Variants in SETBP1 observed in about 807,000 individuals in gnomAD.
SETBP1 encodes SET-binding protein.
Under a neutral mutation model 101.0 loss-of-function variants are expected in SETBP1, and 9 were observed. The observed-to-expected ratio is 0.09, with a 90% CI of 0.05 to 0.16. SETBP1 has a LOEUF of 0.16. SETBP1 is among the 10% of genes least tolerant of loss of function. SETBP1 has a pLI of 1.00. For synonymous variants in SETBP1, 818 were observed against 788.5 expected (o/e 1.04, Z -0.63); for missense variants, 1,858 against 2,033.8 (o/e 0.91, Z 1.66).
At chr18:45,003,599 T>C (rs1321966966) in intron 4 of SETBP1, among the ~76,000 whole-genome samples, 1 of 150,732 alleles carries the variant, frequency 6.6e-6, no homozygotes, top group Non-Finnish European at 1.5e-5. Flanking sequence ...TGCCCATATC[T>C]CCATAGCCAA....
intron 2 of SETBP1, among the ~76,000 whole-genome samples, chr18:44,799,546 G>A (rs737149): frequency 0.068 from 10,416 of 152,188 alleles, 413 homozygotes; most frequent in East Asian, 0.14. Flanking sequence ...TGTGAGCTGG[G>A]TGTAGGGAAA....
At chr18:44,860,506 G>C (rs764771861) in intron 2 of SETBP1, among the ~76,000 whole-genome samples, 3 of 152,136 alleles carry the variant, frequency 2.0e-5, no homozygotes, top group Non-Finnish European at 2.9e-5. Context: ...CAGCACTATG[G>C]GAGGTCAAGG....
At chr18:44,935,960 G>A (rs1470934251) in intron 3 of SETBP1, among the ~76,000 whole-genome samples, 1 of 152,204 alleles carries the variant, frequency 6.6e-6, no homozygotes, top group African/African-American at 2.4e-5. Flanking sequence ...GAGGAGACAA[G>A]AATGTGTTAT....
chr18:44,793,723 T>C (rs2071412020), intron 2 of SETBP1, among the ~76,000 whole-genome samples: 1 of 152,148 alleles, frequency 6.6e-6, no homozygotes, highest in Non-Finnish European at 1.5e-5. Flanking sequence ...GCCACACAGA[T>C]GGATAAATAT....
chr18:44,820,339 A>C (rs1056165146), intron 2 of SETBP1, among the ~76,000 whole-genome samples: 2 of 152,172 alleles, frequency 1.3e-5, no homozygotes, highest in African/African-American at 4.8e-5. Flanking sequence ...TGGAGTGAAG[A>C]CATCATCTGT....
intron 2 of SETBP1, among the ~76,000 whole-genome samples, chr18:44,844,974 A>G (rs2072696268): frequency 6.6e-6 from 1 of 152,088 alleles, no homozygotes; most frequent in African/African-American, 2.4e-5. Context: ...GGCTTGATGG[A>G]GAGGAGGGTC....
chr18:45,062,195 G>A (rs1257175991), intron 5 of SETBP1, among the ~76,000 whole-genome samples: 1 of 152,240 alleles, frequency 6.6e-6, no homozygotes, highest in Non-Finnish European at 1.5e-5. Flanking sequence ...TTTAGTGGCA[G>A]CAGCGCAGGA....
At chr18:44,731,835 G>A (rs1282466418) in intron 2 of SETBP1, among the ~76,000 whole-genome samples, 3 of 152,280 alleles carry the variant, frequency 2.0e-5, no homozygotes, top group Non-Finnish European at 4.4e-5. Flanking sequence ...TCCACGTGAA[G>A]ACAGTATGAA....
chr18:44,933,676 C>CAGCCTTGCAGT (rs907232452), intron 3 of SETBP1, among the ~76,000 whole-genome samples: 1 of 152,202 alleles, frequency 6.6e-6, no homozygotes, highest in Admixed American at 6.5e-5. Context: ...AGCCTTGCTG[C>CAGCCTTGCAGT]AGCCTTGCAG....
intron 4 of SETBP1, among the ~76,000 whole-genome samples, chr18:44,959,282 G>A (rs1383626763): frequency 6.6e-6 from 1 of 152,142 alleles, no homozygotes; most frequent in Non-Finnish European, 1.5e-5. Flanking sequence ...CTGTCACTGG[G>A]CAGAGATAAG....
chr18:45,020,322 G>A (rs956861333), intron 4 of SETBP1, among the ~76,000 whole-genome samples: 1 of 143,196 alleles, frequency 7.0e-6, no homozygotes, highest in African/African-American at 2.6e-5. Context: ...GGCAACACTA[G>A]GGCATGTCCT....
intron 5 of SETBP1, among the ~76,000 whole-genome samples, chr18:45,042,569 C>T (rs1018122935): frequency 6.6e-5 from 10 of 152,180 alleles, no homozygotes; most frequent in African/African-American, 2.2e-4. Flanking sequence ...AACAAAGGAA[C>T]ATTCCCACCT....
At chr18:44,742,947 TTC>T (rs756180174) in intron 2 of SETBP1, among the ~76,000 whole-genome samples, 1,487 of 144,192 alleles carry the variant, frequency 0.01, 12 homozygotes, top group Non-Finnish European at 0.017. Context: ...CTCTCCCTCC[TTC>T]TCTCTCTCTC....
At chr18:44,733,823 T>G (rs1045496789) in intron 2 of SETBP1, among the ~76,000 whole-genome samples, 4 of 151,946 alleles carry the variant, frequency 2.6e-5, no homozygotes, top group African/African-American at 9.7e-5. Flanking sequence ...CATTAGGGAG[T>G]AGCAGGTCTC....
At chr18:44,760,065 T>C (rs919744412) in intron 2 of SETBP1, among the ~76,000 whole-genome samples, 7 of 152,338 alleles carry the variant, frequency 4.6e-5, no homozygotes, top group Middle Eastern at 3.4e-3. Flanking sequence ...GTGGAGGCTC[T>C]TGTTACAATA....
intron 2 of SETBP1, among the ~76,000 whole-genome samples, chr18:44,808,926 G>T (rs1432086615): frequency 1.3e-5 from 2 of 152,194 alleles, no homozygotes; most frequent in Admixed American, 1.3e-4. Context: ...ACGCAAAGCA[G>T]GATTAGGTTC....
chr18:44,726,455 C>G (rs1185545550), intron 2 of SETBP1, among the ~76,000 whole-genome samples: 1 of 152,202 alleles, frequency 6.6e-6, no homozygotes, highest in African/African-American at 2.4e-5. Context: ...GTAAATCTTA[C>G]TGTTCTCATT....
intron 2 of SETBP1, among the ~76,000 whole-genome samples, chr18:44,728,207 A>C (rs16978149): frequency 0.023 from 3,438 of 152,256 alleles, 132 homozygotes; most frequent in African/African-American, 0.077. Context: ...GTACTGTCTG[A>C]TTTATTCCAG....
At chr18:45,003,848 G>A (rs2072669202) in intron 4 of SETBP1, among the ~76,000 whole-genome samples, 1 of 152,146 alleles carries the variant, frequency 6.6e-6, no homozygotes, top group South Asian at 2.1e-4. Flanking sequence ...TCTTATCACT[G>A]TGCTTTATGA....
Sources: gnomAD v4.1 joint callset for allele counts (sites outside exome capture counted in the v4.1 genomes callset) on GRCh38, gnomAD v4.1.1 for gene constraint, MANE v1.5 for transcripts, NCBI Gene and HGNC (gene_info 2026-07-23, HGNC 2026-07-21) for gene names.